Variants in NELL1 observed in about 807,000 individuals in gnomAD.
The protein encoded by NELL1 is neural EGFL like 1.
Under a neutral mutation model 107.4 loss-of-function variants are expected in NELL1, and 76 were observed. The ratio of observed to expected loss-of-function variants is 0.71; its 90% confidence interval spans 0.59 to 0.86. The LOEUF is 0.86. Among genes scored for constraint, NELL1 ranks in the 40% least tolerant of loss-of-function variants. The pLI, the probability that NELL1 is intolerant of heterozygous loss-of-function variation, is 0.00. For missense variants in NELL1, 1,024 were observed against 1,005.5 expected (o/e 1.02, Z -0.25); for synonymous variants, 353 against 341.2 (o/e 1.03, Z -0.38).
At chr11:20,741,624 G>A (rs1519731) in intron 2 of NELL1, among the ~76,000 whole-genome samples, 87,945 of 151,978 alleles carry the variant, frequency 0.58, 26,855 homozygotes, top group Middle Eastern at 0.75. Context: ...AGAGATTAGA[G>A]CTTCCTTCCT....
intron 14 of NELL1, among the ~76,000 whole-genome samples, chr11:21,264,097 T>TGTGTGTGTGTGTGTGTG (rs60986028): frequency 6.7e-6 from 1 of 149,764 alleles, no homozygotes; most frequent in Non-Finnish European, 1.5e-5. Context: ...TGTGTGTGTG[T>TGTGTGTGTGTGTGTGTG]TTGTGTGTCT....
At chr11:20,885,602 A>G in intron 5 of NELL1, 62 bp downstream of exon 5, 1 of 1,032,942 alleles carries the variant, frequency 9.7e-7, no homozygotes, top group Non-Finnish European at 1.5e-6. Flanking sequence ...TTTCTGTGTT[A>G]TTTATTGGAG....
At chr11:21,508,253 T>C (rs1488680165) in intron 15 of NELL1, among the ~76,000 whole-genome samples, 2 of 152,092 alleles carry the variant, frequency 1.3e-5, no homozygotes, top group Non-Finnish European at 2.9e-5. Flanking sequence ...TGTTAAATTT[T>C]GAAAATTTAA....
chr11:20,725,937 T>C (rs1273983401), intron 2 of NELL1, among the ~76,000 whole-genome samples: 1 of 152,226 alleles, frequency 6.6e-6, no homozygotes, highest in Non-Finnish European at 1.5e-5. Context: ...GTGTCTATTG[T>C]TGCCATCTTT....
At chr11:21,492,272 T>C (rs941180247) in intron 15 of NELL1, among the ~76,000 whole-genome samples, 1 of 151,454 alleles carries the variant, frequency 6.6e-6, no homozygotes, top group Non-Finnish European at 1.5e-5. Context: ...TGTGGAGAAA[T>C]AGGAACACTT....
At chr11:20,919,008 T>C (rs1850319846) in intron 6 of NELL1, among the ~76,000 whole-genome samples, 1 of 152,034 alleles carries the variant, frequency 6.6e-6, no homozygotes, top group Non-Finnish European at 1.5e-5. Flanking sequence ...ATTTTAACTT[T>C]AAAATGTCAT....
At chr11:21,277,743 T>A (rs917045646) in intron 14 of NELL1, among the ~76,000 whole-genome samples, 1 of 152,204 alleles carries the variant, frequency 6.6e-6, no homozygotes, top group African/African-American at 2.4e-5. Flanking sequence ...GTTCTTGTCC[T>A]TTTTAGGGAC....
intron 14 of NELL1, among the ~76,000 whole-genome samples, chr11:21,272,952 A>G (rs573250241): frequency 1.3e-5 from 2 of 152,320 alleles, no homozygotes; most frequent in East Asian, 3.9e-4. Flanking sequence ...AAAGATGGGG[A>G]AAAAACAGAG....
intron 2 of NELL1, among the ~76,000 whole-genome samples, chr11:20,702,352 T>C (rs1435743925): frequency 6.6e-6 from 1 of 152,204 alleles, no homozygotes; most frequent in Non-Finnish European, 1.5e-5. Context: ...TTTTTGCACA[T>C]TGATTTTGTA....
In NELL1 at chr11:21,178,810, A is replaced by T. The variant is rs989178059; in HGVS notation, c.1427-50522A>T. Among the ~76,000 whole-genome samples the T allele has an allele frequency of 9.9e-5, 15 of 151,808 alleles. 2 individuals are homozygous for T. Among genetic ancestry groups the T allele is most frequent in the African/African-American group, 3.6e-4 (15 of 41,108 alleles). ...TGTTAGGTGCATTTAGTTAAATAAA[A>T]TTTTAAAAAAGATTCAACTTAAAGG... is the stretch of plus-strand genomic sequence containing the variant. On this transcript the variant is annotated intron_variant, in intron 13 of 19. Coordinates refer to ENST00000357134, the MANE Select transcript of NELL1 (RefSeq NM_006157.5).
rs1857173018 is a variant in NELL1 at position 20,796,573 on chromosome 11, A to G, written c.335+12743A>G. The stretch of plus-strand genomic sequence containing the variant: ...AAAAAATCTATCCTGCTTTTGAAGT[A>G]TGCAAGCAAGTCTCCACACTTCAAA... On this transcript the variant is annotated intron_variant, in intron 3 of 19. Coordinates refer to ENST00000357134, the MANE Select transcript of NELL1 (RefSeq NM_006157.5). Among the ~76,000 whole-genome samples, 5 of 152,348 alleles carry G rather than the reference A, an allele frequency of 3.3e-5. No homozygotes were observed. The South Asian group carries it at 1.0e-3, about 32-fold the overall frequency.
intron 15 of NELL1, among the ~76,000 whole-genome samples, chr11:21,452,017 T>G (rs1853600349): frequency 6.6e-6 from 1 of 152,140 alleles, no homozygotes; most frequent in African/African-American, 2.4e-5. Flanking sequence ...CAGTACTAGT[T>G]TTAGACCTGA....
At chr11:20,909,465 C>T (rs1021560717) in intron 5 of NELL1, among the ~76,000 whole-genome samples, 2 of 152,120 alleles carry the variant, frequency 1.3e-5, no homozygotes, top group Admixed American at 6.5e-5. Context: ...ATGCTTTAGA[C>T]AGAAACATAA....
chr11:21,352,604 G>A (rs772296506), intron 14 of NELL1, among the ~76,000 whole-genome samples: 7 of 152,038 alleles, frequency 4.6e-5, no homozygotes, highest in Admixed American at 2.6e-4. Flanking sequence ...TTCTTCTCAC[G>A]AAAAATACAC....
intron 14 of NELL1, among the ~76,000 whole-genome samples, chr11:21,311,994 C>T (rs1361251677): frequency 6.6e-6 from 1 of 152,096 alleles, no homozygotes; most frequent in Non-Finnish European, 1.5e-5. Flanking sequence ...TTAGGTCCTT[C>T]CACCATGCAA....
chr11:21,356,951 A>G (rs1366032498), intron 14 of NELL1, among the ~76,000 whole-genome samples: 1 of 151,984 alleles, frequency 6.6e-6, no homozygotes, highest in Non-Finnish European at 1.5e-5. Flanking sequence ...ATGGTCTCCA[A>G]CTCCATGTAG....
intron 13 of NELL1, among the ~76,000 whole-genome samples, chr11:21,188,098 A>G (rs1856971666): frequency 6.6e-6 from 1 of 151,912 alleles, no homozygotes; most frequent in Non-Finnish European, 1.5e-5. Flanking sequence ...GTTCTGGACT[A>G]TAAAAAAAGA....
chr11:20,749,077 G>A (rs770271306), intron 2 of NELL1, among the ~76,000 whole-genome samples: 11 of 150,844 alleles, frequency 7.3e-5, no homozygotes, highest in Non-Finnish European at 1.5e-4. Flanking sequence ...ATAATCCAGT[G>A]ATAGAAACAG....
chr11:21,413,359 G>T (rs139347638), intron 15 of NELL1, among the ~76,000 whole-genome samples: 1 of 151,960 alleles, frequency 6.6e-6, no homozygotes, highest in African/African-American at 2.4e-5. Context: ...GGGGTGGGGG[G>T]GAGATATAGT....
Sources: allele counts gnomAD v4.1 joint callset (sites outside exome capture counted in the v4.1 genomes callset), GRCh38; gene constraint gnomAD v4.1.1; transcripts MANE v1.5; gene names NCBI Gene and HGNC (gene_info 2026-07-23, HGNC 2026-07-21).